PTPRE: variants seen among roughly 807,000 people sequenced by gnomAD.
PTPRE encodes receptor-type tyrosine-protein phosphatase epsilon.
A neutral mutation model predicts 102.0 loss-of-function variants in PTPRE; 51 were observed. That is an observed-to-expected ratio of 0.50 (90% CI 0.40 to 0.63). The LOEUF is 0.63. PTPRE is among the 30% of genes least tolerant of loss of function. The pLI, the probability that PTPRE is intolerant of heterozygous loss-of-function variation, is 0.00. For missense variants in PTPRE, 752 were observed against 915.1 expected (o/e 0.82, Z 2.30); for synonymous variants, 345 against 348.2 (o/e 0.99, Z 0.10).
At chr10:128,065,932 C>T (rs751173301) in intron 10 of PTPRE, 143 bp from the exon 11 acceptor site, 6 of 1,222,126 alleles carry the variant, frequency 4.9e-6, no homozygotes, top group Admixed American at 1.8e-5. Flanking sequence ...TTCAAGAGGT[C>T]GACACACGTG....
intron 6 of PTPRE, 123 bp downstream of exon 6, chr10:128,049,789 C>T: frequency 1.3e-5 from 18 of 1,365,110 alleles, no homozygotes; most frequent in Non-Finnish European, 1.8e-5. Flanking sequence ...GACACTGTCC[C>T]ATGAATGGGC....
chr10:127,927,613 C>T (rs1589752445), intron 1 of PTPRE, among the ~76,000 whole-genome samples: 1 of 152,328 alleles, frequency 6.6e-6, no homozygotes, highest in African/African-American at 2.4e-5. Context: ...AGTCCCCCTC[C>T]TCATGGAGAG....
At chr10:128,027,659 G>A (rs941972825) in intron 2 of PTPRE, among the ~76,000 whole-genome samples, 1 of 152,200 alleles carries the variant, frequency 6.6e-6, no homozygotes, top group African/African-American at 2.4e-5. Flanking sequence ...CTTTGGAAAG[G>A]TATCCGGGCA....
intron 1 of PTPRE, among the ~76,000 whole-genome samples, chr10:127,939,055 G>C (rs1848034448): frequency 6.6e-6 from 1 of 152,072 alleles, no homozygotes; most frequent in Non-Finnish European, 1.5e-5. Flanking sequence ...CCCTCCCTTT[G>C]AAAAAAATTT....
chr10:128,069,599 C>T, intron 12 of PTPRE, 93 bp from the exon 13 acceptor site: 1 of 1,534,328 alleles, frequency 6.5e-7, no homozygotes, highest in Non-Finnish European at 8.8e-7. Context: ...AAAGTTGCAT[C>T]CAGTGACCTG....
At chr10:128,000,627 C>T (rs578123525) in intron 2 of PTPRE, among the ~76,000 whole-genome samples, 19 of 152,192 alleles carry the variant, frequency 1.2e-4, no homozygotes, top group Non-Finnish European at 2.8e-4. Flanking sequence ...TATTATAGCT[C>T]ACCTATGAAT....
chr10:127,920,255 C>T (rs1017856797), intron 1 of PTPRE, among the ~76,000 whole-genome samples: 1 of 152,190 alleles, frequency 6.6e-6, no homozygotes, highest in Non-Finnish European at 1.5e-5. Context: ...TTTGTGAAGG[C>T]TGGAAAGCCT....
intron 2 of PTPRE, among the ~76,000 whole-genome samples, chr10:127,990,309 G>T (rs2135502358): frequency 6.6e-6 from 1 of 151,116 alleles, no homozygotes; most frequent in Middle Eastern, 3.4e-3. Context: ...CTACTCAGGA[G>T]GCAGAGGCAG....
intron 2 of PTPRE, among the ~76,000 whole-genome samples, chr10:128,023,352 G>A (rs903929457): frequency 5.9e-5 from 9 of 151,946 alleles, no homozygotes; most frequent in Non-Finnish European, 1.3e-4. Context: ...AAAAAAGATA[G>A]TATATATACA....
chr10:127,969,609 A>C (rs1051928472), intron 1 of PTPRE, among the ~76,000 whole-genome samples: 11 of 149,398 alleles, frequency 7.4e-5, no homozygotes, highest in Non-Finnish European at 1.6e-4. Flanking sequence ...CAGAGGTTGC[A>C]ATGAGCTGAG....
In PTPRE at chr10:127,955,939, T is replaced by G. The variant is rs1264166007; in HGVS notation, c.-30-26335T>G. 2.0e-5 allele frequency among the ~76,000 whole-genome samples: 3 copies of G among 152,086 alleles called. No homozygotes were observed. The East Asian group carries it at 5.8e-4, about 29-fold the overall frequency. The stretch of plus-strand genomic sequence containing the variant: ...TCTCGTGAGAACTCACTCACTATCA[T>G]GAGAACAGCAAGGGGGAAATCCATC... On this transcript the variant is annotated intron_variant, in intron 1 of 20. Transcript: ENST00000254667.
chr10:128,015,076 ACTTCCT>A (rs1194920907), intron 2 of PTPRE, among the ~76,000 whole-genome samples: 1 of 152,210 alleles, frequency 6.6e-6, no homozygotes, highest in Non-Finnish European at 1.5e-5. Flanking sequence ...AAACATATAT[ACTTCCT>A]CTTCCAACCT....
In PTPRE at chr10:128,070,100, G is replaced by A; in HGVS notation, c.1144-201G>A. ...GTGCGTGGCGTGCTCACCAATGTGAGGCTCTGCTGCTACCGTTCTCCTTAC... is the reference window on the plus strand; with the variant it reads ...GTGCGTGGCGTGCTCACCAATGTGAAGCTCTGCTGCTACCGTTCTCCTTAC... On this transcript the variant is annotated intron_variant, in intron 13 of 20. Transcript: ENST00000254667. This position sits in a 1 kb window ranked among gnomAD's most constrained non-coding sequence, Gnocchi z 4.8. 1 of 708,208 alleles carries A rather than the reference G, an allele frequency of 1.4e-6. No individual in the cohort carries two copies. The highest frequency in any genetic ancestry group is 2.3e-6 in the Non-Finnish European group (1 of 434,544). The allele number at this position is 708,208 out of a possible 1,614,324, so 43.9% of individuals were successfully genotyped here. A position where few individuals can be genotyped will look rare whatever the true frequency, so the allele number is the denominator to read the frequency against.
chr10:128,058,001 G>C (rs1210483240), intron 7 of PTPRE, among the ~76,000 whole-genome samples: 1 of 152,216 alleles, frequency 6.6e-6, no homozygotes, highest in Non-Finnish European at 1.5e-5. Context: ...GTGGTTTTAA[G>C]TTGTGCCTTG....
chr10:128,072,480 C>T (rs1850858442), intron 16 of PTPRE: 13 of 315,328 alleles, frequency 4.1e-5, no homozygotes, highest in East Asian at 6.0e-5. Context: ...TGGCAAAACC[C>T]GTCTCTACTA....
At chr10:128,027,041 A>G (rs531000665) in intron 2 of PTPRE, among the ~76,000 whole-genome samples, 100 of 152,340 alleles carry the variant, frequency 6.6e-4, no homozygotes, top group African/African-American at 2.3e-3. Context: ...AGTATTAGAT[A>G]CAGACGCAGA....
intron 1 of PTPRE, among the ~76,000 whole-genome samples, chr10:127,910,972 C>T (rs1272500035): frequency 6.6e-6 from 1 of 152,162 alleles, no homozygotes; most frequent in Non-Finnish European, 1.5e-5. Context: ...GTCCCAGCTA[C>T]TCAGGAGGCT....
At chr10:128,022,221 T>A (rs963215027) in intron 2 of PTPRE, among the ~76,000 whole-genome samples, 9 of 151,870 alleles carry the variant, frequency 5.9e-5, no homozygotes, top group African/African-American at 2.2e-4. Context: ...CCCTCCTGAG[T>A]CGGCAGCACT....
chr10:128,046,991 A>G (rs914157899), intron 3 of PTPRE, among the ~76,000 whole-genome samples: 13 of 152,188 alleles, frequency 8.5e-5, no homozygotes, highest in African/African-American at 2.9e-4. Context: ...CCCAAGCCCA[A>G]GGGGCCCTAA....
Sources: allele counts gnomAD v4.1 joint callset (sites outside exome capture counted in the v4.1 genomes callset), GRCh38; gene constraint gnomAD v4.1.1; non-coding constraint Gnocchi (gnomAD v3.1); transcripts MANE v1.5; gene names NCBI Gene and HGNC (gene_info 2026-07-23, HGNC 2026-07-21).